Variants in NFATC3 observed in about 807,000 individuals in gnomAD.
NFATC3 encodes nuclear factor of activated T-cells, cytoplasmic 3.
Under a neutral mutation model 98.6 loss-of-function variants are expected in NFATC3, and 46 were observed. The ratio of observed to expected loss-of-function variants is 0.47; its 90% confidence interval spans 0.37 to 0.60. The LOEUF (loss-of-function observed/expected upper bound fraction) is 0.60, where lower values mean the gene tolerates loss of function less well. Ranked by LOEUF, NFATC3 falls within the 20% of genes least tolerant of loss-of-function variation. NFATC3 has a pLI of 0.00. For synonymous variants in NFATC3, 512 were observed against 472.2 expected (o/e 1.08, Z -1.09); for missense variants, 1,256 against 1,295.5 (o/e 0.97, Z 0.47).
At chr16:68,146,575 A>G (rs2038050910) in intron 3 of NFATC3, among the ~76,000 whole-genome samples, 1 of 152,226 alleles carries the variant, frequency 6.6e-6, no homozygotes. Flanking sequence ...AGCAATTTAT[A>G]TTATAGAAAT....
intron 4 of NFATC3, among the ~76,000 whole-genome samples, chr16:68,159,072 A>G (rs1301359456): frequency 1.5e-4 from 23 of 152,182 alleles, no homozygotes; most frequent in Admixed American, 1.4e-3. Context: ...TCTCTACTAA[A>G]ATTACAGAAA....
chr16:68,193,410 G>A (rs969510674), intron 9 of NFATC3, among the ~76,000 whole-genome samples: 1 of 152,104 alleles, frequency 6.6e-6, no homozygotes, highest in Admixed American at 6.5e-5. Context: ...AGCAGCTGTG[G>A]TCTCAGTGCT....
intron 1 of NFATC3, among the ~76,000 whole-genome samples, chr16:68,111,722 C>T (rs1047344456): frequency 1.3e-5 from 2 of 152,070 alleles, no homozygotes; most frequent in South Asian, 2.1e-4. Flanking sequence ...TAGTGTCATT[C>T]GTCTGTGTAC....
rs531791246 is a variant in NFATC3, at chr16:68,143,757, C to T, written c.1402-14112C>T. On this transcript the variant is annotated intron_variant, in intron 3 of 9. Transcript: ENST00000346183. ...ACCCAGCTAAGTCTGGAGGCTGAGG[C>T]AGGAGAATTGCTTGAACCCAGGAGG... 2.0e-5 allele frequency among the ~76,000 whole-genome samples: 3 copies of T among 152,150 alleles called. No homozygotes were observed. The East Asian group carries it at 5.8e-4, about 29-fold the overall frequency.
chr16:68,172,410 C>G (rs978763988), intron 5 of NFATC3, among the ~76,000 whole-genome samples: 2 of 152,106 alleles, frequency 1.3e-5, no homozygotes, highest in African/African-American at 2.4e-5. Flanking sequence ...ATAATCAACA[C>G]TTTTAAAATT....
chr16:68,149,314 ATG>A (rs1411524709), intron 3 of NFATC3, among the ~76,000 whole-genome samples: 3 of 152,228 alleles, frequency 2.0e-5, no homozygotes, highest in Non-Finnish European at 4.4e-5. Context: ...AGACTGCAGG[ATG>A]TGTTTTAGGC....
Position 68,221,317 on chromosome 16 carries a change from G to A in NFATC3, c.3107-5033G>A, listed in dbSNP as rs181310351. On this transcript the variant is annotated intron_variant, in intron 9 of 9. Coordinates refer to ENST00000346183, the MANE Select transcript of NFATC3 (RefSeq NM_173165.3). Reference sequence around the variant, plus strand: ...CCTGAACCCAGAGCCCCCAGCCCGAGGGAGAAGTGAGGGAGAAGGAAAGCA... The same window carrying A: ...CCTGAACCCAGAGCCCCCAGCCCGAAGGAGAAGTGAGGGAGAAGGAAAGCA... The A allele has an allele frequency of 1.2e-3, 1,870 of 1,610,650 alleles. 23 individuals carry two copies. The African/African-American group carries it at 0.023, about 20-fold the overall frequency.
intron 1 of NFATC3, among the ~76,000 whole-genome samples, chr16:68,114,647 T>C (rs2036173856): frequency 6.6e-6 from 1 of 151,226 alleles, no homozygotes; most frequent in Non-Finnish European, 1.5e-5. Context: ...CAATCTTGGC[T>C]CACTGCAACC....
At chr16:68,125,236 A>G (rs1395205679) in intron 2 of NFATC3, among the ~76,000 whole-genome samples, 2 of 152,236 alleles carry the variant, frequency 1.3e-5, no homozygotes, top group Non-Finnish European at 2.9e-5. Context: ...AAAAATTAAT[A>G]TCCTTGAATT....
chr16:68,090,657 CAAT>C (rs374426332), intron 1 of NFATC3, among the ~76,000 whole-genome samples: 10 of 152,142 alleles, frequency 6.6e-5, no homozygotes, highest in African/African-American at 1.9e-4. Context: ...GTTCTTAGTA[CAAT>C]GTGAAAGTTG....
At chr16:68,153,092 T>C (rs2151566030) in intron 3 of NFATC3, among the ~76,000 whole-genome samples, 1 of 152,354 alleles carries the variant, frequency 6.6e-6, no homozygotes. Context: ...CTGTGTGTTA[T>C]CTTGTTATCA....
At chr16:68,159,477 G>A (rs2038784334) in intron 4 of NFATC3, among the ~76,000 whole-genome samples, 1 of 148,826 alleles carries the variant, frequency 6.7e-6, no homozygotes, top group South Asian at 2.1e-4. Flanking sequence ...AGGTTGGAGT[G>A]CAGTGGTGCA....
chr16:68,117,378 T>A (rs2036335080), intron 1 of NFATC3, among the ~76,000 whole-genome samples: 1 of 152,240 alleles, frequency 6.6e-6, no homozygotes, highest in African/African-American at 2.4e-5. Context: ...CTTTTCTGTT[T>A]AGAATGCTCC....
intron 9 of NFATC3, among the ~76,000 whole-genome samples, chr16:68,202,076 T>C (rs2040947650): frequency 1.3e-5 from 2 of 151,818 alleles, no homozygotes; most frequent in South Asian, 2.1e-4. Flanking sequence ...GTTACAACTT[T>C]CCATTAAAGT....
chr16:68,186,243 G>A (rs2040195486), intron 8 of NFATC3, among the ~76,000 whole-genome samples: 1 of 151,566 alleles, frequency 6.6e-6, no homozygotes, highest in Non-Finnish European at 1.5e-5. Flanking sequence ...CAGGTGGAAA[G>A]ACTATATTAA....
chr16:68,130,393 C>T (rs2037055852), intron 3 of NFATC3, among the ~76,000 whole-genome samples: 1 of 152,124 alleles, frequency 6.6e-6, no homozygotes, highest in African/African-American at 2.4e-5. Context: ...TTGCATTTCC[C>T]TGATGATTAG....
chr16:68,165,852 T>G (rs915210713), intron 4 of NFATC3, among the ~76,000 whole-genome samples: 3 of 152,258 alleles, frequency 2.0e-5, no homozygotes, highest in Non-Finnish European at 4.4e-5. Flanking sequence ...CTAGTATATT[T>G]GATCATAATT....
intron 6 of NFATC3, among the ~76,000 whole-genome samples, chr16:68,176,053 A>G (rs889415696): frequency 6.6e-6 from 1 of 151,378 alleles, no homozygotes; most frequent in Non-Finnish European, 1.5e-5. Flanking sequence ...ATCTCAGCTC[A>G]CTGCAACCTC....
At chr16:68,141,245 G>A (rs2037739039) in intron 3 of NFATC3, among the ~76,000 whole-genome samples, 5 of 152,106 alleles carry the variant, frequency 3.3e-5, no homozygotes, top group Admixed American at 6.5e-5. Context: ...CTTTGCAGTT[G>A]TTAATTGTGC....
Sources: allele counts gnomAD v4.1 joint callset (sites outside exome capture counted in the v4.1 genomes callset), GRCh38; gene constraint gnomAD v4.1.1; transcripts MANE v1.5; gene names NCBI Gene and HGNC (gene_info 2026-07-23, HGNC 2026-07-21).